BTN3A2: variants seen among roughly 807,000 people sequenced by gnomAD.
BTN3A2 encodes the protein butyrophilin protein.
Under a neutral mutation model 37.6 loss-of-function variants are expected in BTN3A2, and 25 were observed. The observed-to-expected ratio is 0.66, with a 90% confidence interval of 0.48 to 0.93. The LOEUF (loss-of-function observed/expected upper bound fraction) is 0.93. Ranked by LOEUF, BTN3A2 falls within the 40% of genes least tolerant of loss-of-function variation. The pLI, the probability that BTN3A2 is intolerant of heterozygous loss-of-function variation, is 0.00. For synonymous variants in BTN3A2, 122 were observed against 159.4 expected, an observed-to-expected ratio of 0.77 and a Z score of 1.77; for missense variants, 266 against 410.9, an observed-to-expected ratio of 0.65 and a Z score of 3.05.
At position 26,377,270 on chromosome 6, in the gene BTN3A2, A is replaced by C; in HGVS notation, c.*1508A>C. Reference sequence around the variant, plus strand: ...TCACCCTCCACAACAGCCAGTCAGAACCATAAAGCTACAGGCACACACTGA... The same window carrying C: ...TCACCCTCCACAACAGCCAGTCAGACCCATAAAGCTACAGGCACACACTGA... On this transcript the variant is annotated 3_prime_UTR_variant, in exon 11 of 11. Coordinates refer to ENST00000377708, the MANE Select transcript of BTN3A2 (RefSeq NM_007047.5). The C allele has an allele frequency of 1.3e-6, 1 of 789,038 alleles. No individual in the cohort carries two copies. The highest frequency in any genetic ancestry group is 2.2e-6 in the Non-Finnish European group (1 of 454,348). 48.9% of individuals were successfully genotyped at this position (789,038 alleles called of 1,614,324 possible). A position where few individuals can be genotyped will look rare whatever the true frequency, so the allele number is the denominator to read the frequency against.
intron 8 of BTN3A2, 127 bp from the exon 9 acceptor site, chr6:26,374,200 G>T (rs1247295950): frequency 5.1e-6 from 2 of 391,542 alleles, no homozygotes; most frequent in Non-Finnish European, 4.1e-6. Flanking sequence ...GGGTGGGATG[G>T]TAAAAAAAAA....
rs529887353 is a variant in BTN3A2 at position 26,372,892 on chromosome 6, C to T, written c.716-5C>T. 2.5e-5 allele frequency: 40 copies of T among 1,613,064 alleles called. 1 individual carries two copies. Among genetic ancestry groups the T allele is most frequent in the South Asian group, 7.7e-5 (7 of 91,040 alleles). ...GCCCATGACCTACAGCTCTCCCCTTCGCAGACCCCTTCTTCAGGAGCGCCC... is the reference window on the plus strand; with the variant it reads ...GCCCATGACCTACAGCTCTCCCCTTTGCAGACCCCTTCTTCAGGAGCGCCC... On this transcript the variant is annotated splice_polypyrimidine_tract_variant and splice_region_variant and intron_variant, in intron 5 of 10. Transcript: ENST00000377708.
rs974674749 is a variant in BTN3A2, at chr6:26,377,333, C to A, written c.*1571C>A. ...ATATTCATTCAATTATTCCATAGGA[C>A]AGTTGTTTGAGTTTGGTGCCACCTT... On this transcript the variant is annotated 3_prime_UTR_variant, in exon 11 of 11. Coordinates refer to ENST00000377708, the MANE Select transcript of BTN3A2 (RefSeq NM_007047.5). The A allele has an allele frequency of 1.2e-5, 8 of 657,438 alleles. No homozygotes were observed. Among genetic ancestry groups the A allele is most frequent in the Non-Finnish European group, 1.9e-5 (7 of 368,216 alleles). 40.7% of individuals were successfully genotyped at this position (657,438 alleles called of 1,614,324 possible).
chr6:26,374,013 A>G, intron 8 of BTN3A2: 1 of 313,554 alleles, frequency 3.2e-6, no homozygotes, highest in Non-Finnish European at 5.8e-6. Context: ...AGGCATACAC[A>G]TATAGACATG....
intron 8 of BTN3A2, 57 bp from the exon 9 acceptor site, chr6:26,374,270 G>A: frequency 1.8e-6 from 2 of 1,126,602 alleles, no homozygotes; most frequent in Non-Finnish European, 2.6e-6. Context: ...GAAGGGGAAG[G>A]GGCCAACACA....
At chr6:26,370,725 C>T in intron 5 of BTN3A2, 122 bp downstream of exon 5, 2 of 1,473,550 alleles carry the variant, frequency 1.4e-6, no homozygotes, top group Non-Finnish European at 1.8e-6. Flanking sequence ...AAAGCACAGA[C>T]CTGGAGGCTC....
intron 8 of BTN3A2, 176 bp downstream of exon 8, chr6:26,373,589 A>AC: frequency 9.7e-6 from 1 of 103,118 alleles, no homozygotes; most frequent in African/African-American, 7.4e-5. Context: ...TTCTCTCTAG[A>AC]AAAAAAAAAA....
At chr6:26,369,987 A>G (rs1759936615) in intron 4 of BTN3A2, among the ~76,000 whole-genome samples, 1 of 152,202 alleles carries the variant, frequency 6.6e-6, no homozygotes. Flanking sequence ...CCTTACTGCA[A>G]GTTACCCTCA....
chr6:26,365,363 G>A lies in BTN3A2; in HGVS notation c.-67+11G>A. The A allele has an allele frequency of 6.5e-7, 1 of 1,536,168 alleles. No homozygotes were observed. Among genetic ancestry groups the A allele is most frequent in the Non-Finnish European group, 8.7e-7 (1 of 1,146,866 alleles). ...TGGGAATACCAAGGGGTAAGTGCAGGAAATTGATTAGAGCCTGGGCTACAA... is the reference window on the plus strand; with the variant it reads ...TGGGAATACCAAGGGGTAAGTGCAGAAAATTGATTAGAGCCTGGGCTACAA... On this transcript the variant is annotated intron_variant, in intron 1 of 10. Transcript: ENST00000377708.
chr6:26,371,767 C>G (rs1413088463), intron 5 of BTN3A2, among the ~76,000 whole-genome samples: 3 of 152,078 alleles, frequency 2.0e-5, no homozygotes, highest in African/African-American at 4.8e-5. Flanking sequence ...CAGCCTCTGC[C>G]TCCCAGGTTC....
At chr6:26,373,453 A>T in intron 8 of BTN3A2, 40 bp downstream of exon 8, 2 of 1,585,466 alleles carry the variant, frequency 1.3e-6, no homozygotes, top group Non-Finnish European at 1.7e-6. Flanking sequence ...CAAATCTGTT[A>T]CTCTCTCTCT....
intron 1 of BTN3A2, among the ~76,000 whole-genome samples, chr6:26,367,339 C>T (rs888405632): frequency 6.6e-6 from 1 of 152,216 alleles, no homozygotes; most frequent in African/African-American, 2.4e-5. Context: ...TCTCTGCACC[C>T]ATGCGAGTAC....
Position 26,365,258 on chromosome 6 carries a change from G to T in BTN3A2, c.-161G>T. The T allele has an allele frequency of 6.7e-7, 1 of 1,486,608 alleles. No individual in the cohort carries two copies. The highest frequency in any genetic ancestry group is 1.2e-5 in the South Asian group (1 of 82,742). 92.1% of individuals were successfully genotyped at this position (1,486,608 alleles called of 1,614,324 possible). A position where few individuals can be genotyped will look rare whatever the true frequency, so the allele number is the denominator to read the frequency against. ...TTGCTTTCTCTTTTTCCTTTCTTCC[G>T]GATGAGAGGCTAAGCCATAATAGAA... On this transcript the variant is annotated 5_prime_UTR_variant, in exon 1 of 11. Coordinates refer to ENST00000377708, the MANE Select transcript of BTN3A2 (RefSeq NM_007047.5).
intron 5 of BTN3A2, among the ~76,000 whole-genome samples, chr6:26,372,532 T>C (rs1760215316): frequency 6.6e-6 from 1 of 152,196 alleles, no homozygotes; most frequent in African/African-American, 2.4e-5. Context: ...AAGAAGTTAA[T>C]ACATGGAGGG....
intron 1 of BTN3A2, among the ~76,000 whole-genome samples, chr6:26,365,769 G>A (rs537546831): frequency 6.6e-6 from 1 of 152,012 alleles, no homozygotes; most frequent in East Asian, 1.9e-4. Flanking sequence ...AAATTCTGAA[G>A]AAGAAGAAGA....
At chr6:26,366,818 C>A (rs546191470) in intron 1 of BTN3A2, among the ~76,000 whole-genome samples, 155 of 152,264 alleles carry the variant, frequency 1.0e-3, no homozygotes, top group African/African-American at 3.7e-3. Context: ...GGCTGCAGGC[C>A]TCATGCTCCT....
chr6:26,377,968 C>T lies in BTN3A2; in HGVS notation c.*2206C>T, dbSNP rs1760803923. 1 of 152,252 alleles carries T rather than the reference C, an allele frequency of 6.6e-6. No homozygotes were observed. The highest frequency in any genetic ancestry group is 6.5e-5 in the Admixed American group (1 of 15,284). 9.4% of individuals were successfully genotyped at this position (152,252 alleles called of 1,614,324 possible). ...GGGGCACAGATGTGTTCCCACCCAA[C>T]AAATGTGATAAGTGATCGTGCAGCC... On this transcript the variant is annotated 3_prime_UTR_variant, in exon 11 of 11. Coordinates refer to ENST00000377708, the MANE Select transcript of BTN3A2 (RefSeq NM_007047.5).
chr6:26,376,642 A>T lies in BTN3A2; in HGVS notation c.*880A>T, dbSNP rs1391183168. 1 of 1,476,442 alleles carries T rather than the reference A, an allele frequency of 6.8e-7. No homozygotes were observed. Among genetic ancestry groups the T allele is most frequent in the African/African-American group, 1.4e-5 (1 of 71,710 alleles). The allele number at this position is 1,476,442 out of a possible 1,614,324, so 91.5% of individuals were successfully genotyped here. On this transcript the variant is annotated 3_prime_UTR_variant, in exon 11 of 11. Coordinates refer to ENST00000377708, the MANE Select transcript of BTN3A2 (RefSeq NM_007047.5). ...GTTTCTGAGGACCAGAGGAGTGTACAGCGTGCTGAGGAGCCCCATGACCTA... is the reference window on the plus strand; with the variant it reads ...GTTTCTGAGGACCAGAGGAGTGTACTGCGTGCTGAGGAGCCCCATGACCTA...
chr6:26,374,430 G>A (rs2073526), intron 9 of BTN3A2, 57 bp downstream of exon 9: 843,702 of 1,513,160 alleles, frequency 0.56, 242,730 homozygotes, highest in African/African-American at 0.91. Flanking sequence ...ACTGTGACCC[G>A]TGGATGTTCT....
Sources: gnomAD v4.1 joint callset for allele counts (sites outside exome capture counted in the v4.1 genomes callset) on GRCh38, gnomAD v4.1.1 for gene constraint, MANE v1.5 for transcripts, NCBI Gene and HGNC (gene_info 2026-07-23, HGNC 2026-07-21) for gene names.